KCNH8: variants seen among roughly 807,000 people sequenced by gnomAD.
The protein encoded by KCNH8 is potassium voltage-gated channel subfamily H member 8, also known as voltage-gated delayed rectifier potassium channel KCNH8.
In KCNH8, 70 loss-of-function variants were observed where a neutral mutation model predicts 103.6. The observed-to-expected ratio is 0.68, with a 90% CI of 0.56 to 0.82. KCNH8 has a LOEUF of 0.82. Among genes scored for constraint, KCNH8 ranks in the 40% least tolerant of loss-of-function variants. KCNH8 has a pLI of 0.00. For missense variants in KCNH8, 1,217 were observed against 1,329.9 expected, an observed-to-expected ratio of 0.92 and a Z score of 1.32; for synonymous variants, 498 against 489.4, an observed-to-expected ratio of 1.02 and a Z score of -0.23.
intron 1 of KCNH8, among the ~76,000 whole-genome samples, chr3:19,172,023 C>T (rs998935447): frequency 6.6e-6 from 1 of 152,114 alleles, no homozygotes; most frequent in South Asian, 2.1e-4. Context: ...CAAAGACTCC[C>T]ACTGTGTAGA....
At chr3:19,312,764 G>A (rs1036463981) in intron 3 of KCNH8, among the ~76,000 whole-genome samples, 2 of 151,868 alleles carry the variant, frequency 1.3e-5, no homozygotes, top group Non-Finnish European at 2.9e-5. Context: ...TTGCTCCACT[G>A]CTTTTACGGA....
At chr3:19,482,348 G>A (rs1030601446) in intron 11 of KCNH8, among the ~76,000 whole-genome samples, 1 of 152,204 alleles carries the variant, frequency 6.6e-6, no homozygotes, top group East Asian at 1.9e-4. Context: ...GGCAGAAATT[G>A]GGCATAAGAC....
intron 3 of KCNH8, among the ~76,000 whole-genome samples, chr3:19,302,636 T>G (rs537062488): frequency 6.6e-6 from 1 of 152,272 alleles, no homozygotes; most frequent in East Asian, 1.9e-4. Context: ...TTTCTTCATA[T>G]CCTTAGAAAT....
intron 14 of KCNH8, 53 bp downstream of exon 14, chr3:19,515,481 T>C (rs911962275): frequency 3.3e-6 from 3 of 905,922 alleles, no homozygotes; most frequent in South Asian, 2.3e-5. Context: ...TATTAACTTG[T>C]AATGTTTGTT....
At chr3:19,515,485 G>A in intron 14 of KCNH8, 57 bp downstream of exon 14, 1 of 801,250 alleles carries the variant, frequency 1.2e-6, no homozygotes. Flanking sequence ...AACTTGTAAT[G>A]TTTGTTATGG....
chr3:19,219,067 C>G (rs1459368124), intron 1 of KCNH8, among the ~76,000 whole-genome samples: 1 of 152,092 alleles, frequency 6.6e-6, no homozygotes, highest in Non-Finnish European at 1.5e-5. Flanking sequence ...TTCTTCCTAC[C>G]CACTGTGGGG....
At chr3:19,464,688 A>G (rs1457869298) in intron 11 of KCNH8, among the ~76,000 whole-genome samples, 2 of 152,254 alleles carry the variant, frequency 1.3e-5, no homozygotes, top group East Asian at 3.9e-4. Context: ...AGAAAAAGAC[A>G]TATACTTCAG....
At chr3:19,266,793 A>G (rs1234538538) in intron 2 of KCNH8, among the ~76,000 whole-genome samples, 3 of 151,962 alleles carry the variant, frequency 2.0e-5, no homozygotes, top group African/African-American at 2.4e-5. Context: ...TTGCTTTTCT[A>G]TTTCAACTTT....
At chr3:19,166,592 CA>C (rs2063288090) in intron 1 of KCNH8, among the ~76,000 whole-genome samples, 1 of 152,142 alleles carries the variant, frequency 6.6e-6, no homozygotes. Context: ...TCGCCTGCCT[CA>C]TTGGAAGCTT....
In KCNH8 at chr3:19,534,564, T is replaced by C. The variant is rs751647569; in HGVS notation, c.*465T>C. ...TTTTGTGAAGGCAAAGGGACAATTA[T>C]CACTGCATGTCATCTCCTAGACAAT... On this transcript the variant is annotated 3_prime_UTR_variant, in exon 16 of 16. Coordinates refer to ENST00000328405, the MANE Select transcript of KCNH8 (RefSeq NM_144633.3). The C allele has an allele frequency of 1.5e-4, 24 of 157,886 alleles. No individual in the cohort carries two copies. The highest frequency in any genetic ancestry group is 2.5e-4 in the Admixed American group (4 of 16,104). The allele number at this position is 157,886 out of a possible 1,614,324, so 9.8% of individuals were successfully genotyped here. A position where few individuals can be genotyped will look rare whatever the true frequency, so the allele number is the denominator to read the frequency against.
chr3:19,502,006 T>A (rs2068595028), intron 11 of KCNH8, among the ~76,000 whole-genome samples: 1 of 152,008 alleles, frequency 6.6e-6, no homozygotes, highest in East Asian at 1.9e-4. Flanking sequence ...ATGACATGAT[T>A]GTATATCTAG....
At chr3:19,257,184 T>C (rs2064357092) in intron 2 of KCNH8, among the ~76,000 whole-genome samples, 1 of 152,080 alleles carries the variant, frequency 6.6e-6, no homozygotes, top group Admixed American at 6.6e-5. Flanking sequence ...TTTAATATGC[T>C]TTAGAAAGCA....
chr3:19,348,696 G>A (rs2065760347), intron 5 of KCNH8, among the ~76,000 whole-genome samples: 1 of 151,992 alleles, frequency 6.6e-6, no homozygotes, highest in African/African-American at 2.4e-5. Context: ...GTTATTGACT[G>A]TCATTAGCAG....
At chr3:19,201,860 G>T (rs1303867324) in intron 1 of KCNH8, among the ~76,000 whole-genome samples, 1 of 151,958 alleles carries the variant, frequency 6.6e-6, no homozygotes, top group African/African-American at 2.4e-5. Context: ...GTTATTACTC[G>T]GGAGATAAGT....
At chr3:19,479,225 G>A (rs768832637) in intron 11 of KCNH8, among the ~76,000 whole-genome samples, 7 of 151,988 alleles carry the variant, frequency 4.6e-5, no homozygotes, top group South Asian at 2.1e-4. Flanking sequence ...TCCGGCTCTC[G>A]TCCAGAAACT....
intron 11 of KCNH8, among the ~76,000 whole-genome samples, chr3:19,498,594 T>C (rs1430684495): frequency 6.6e-6 from 1 of 152,224 alleles, no homozygotes; most frequent in Non-Finnish European, 1.5e-5. Flanking sequence ...AAAGTCATTC[T>C]CCATCCAGCT....
In KCNH8 at chr3:19,253,873, T is replaced by G. The variant is rs768086928; in HGVS notation, c.296T>G (p.Phe99Cys). 2 of 1,612,304 alleles carry G rather than the reference T, an allele frequency of 1.2e-6. No homozygotes were observed. Among genetic ancestry groups the G allele is most frequent in the South Asian group, 2.2e-5 (2 of 91,036 alleles). Residue 99 changes from phenylalanine (F) to cysteine (C), a missense_variant, in exon 2 of 16, where the codon TTC (phenylalanine) becomes TGC (cysteine). Around this residue, in one of 3 missense-constraint regions of KCNH8, gnomAD observed 244 missense variants for 256.8 expected, o/e 0.95. Coordinates refer to ENST00000328405, the MANE Select transcript of KCNH8 (RefSeq NM_144633.3). ...EKTEFKGEIM[F>C]YKKNGSPFWC... is the part of the protein sequence containing the mutation. ...ACAGAATTCAAAGGAGAAATTATGTTCTACAAGAAAAACGGTGAGTTGGCT... is the reference window on the plus strand; with the variant it reads ...ACAGAATTCAAAGGAGAAATTATGTGCTACAAGAAAAACGGTGAGTTGGCT...
At position 19,350,839 on chromosome 3, in the gene KCNH8, G is replaced by A. The variant is rs59656700; in HGVS notation, c.811+2874G>A. 1.2e-3 allele frequency among the ~76,000 whole-genome samples: 180 copies of A among 152,238 alleles called. 6 individuals carry two copies. The East Asian group carries it at 0.026, about 22-fold the overall frequency. On this transcript the variant is annotated intron_variant, in intron 5 of 15. Transcript: ENST00000328405. ...AGCACCTCTTCTCCTCCAAAGGAAC[G>A]CACCTCCTTGCCAGCAACGGAACAA...
chr3:19,479,562 T>A (rs2068045823), intron 11 of KCNH8, among the ~76,000 whole-genome samples: 1 of 152,138 alleles, frequency 6.6e-6, no homozygotes, highest in Non-Finnish European at 1.5e-5. Flanking sequence ...TCAAAGCCTA[T>A]CCTTTCTCCA....
Sources: gnomAD v4.1 joint callset for allele counts (sites outside exome capture counted in the v4.1 genomes callset) on GRCh38, gnomAD v4.1.1 for gene constraint, gnomAD v4.1.1 regional missense constraint, MANE v1.5 for transcripts, NCBI Gene and HGNC (gene_info 2026-07-23, HGNC 2026-07-21) for gene names.